GATA4: variants seen among roughly 807,000 people sequenced by gnomAD.
The protein encoded by GATA4 is transcription factor GATA-4.
GATA4 carries 7 observed loss-of-function variants against 37.9 expected under a neutral mutation model. The observed-to-expected ratio is 0.18, with a 90% CI of 0.11 to 0.35. The LOEUF is 0.35. GATA4 is among the 10% of genes least tolerant of loss of function. The probability of loss-of-function intolerance (pLI) is 1.00; values close to 1 mark genes in which losing one functional copy is unlikely to be tolerated. For synonymous variants in GATA4, 372 were observed against 292.6 expected, an observed-to-expected ratio of 1.27 and a Z score of -2.77; for missense variants, 647 against 653.0, an observed-to-expected ratio of 0.99 and a Z score of 0.10.
upstream of GATA4, among the ~76,000 whole-genome samples, chr8:11,700,047 A>G (rs1799623461): frequency 6.6e-6 from 1 of 152,210 alleles, no homozygotes; most frequent in Admixed American, 6.5e-5. Context: ...CAAGTACCTT[A>G]ACCTCTCTGA....
At chr8:11,678,187 G>A (rs1187161583) in intron 1 of GATA4, among the ~76,000 whole-genome samples, 1 of 152,094 alleles carries the variant, frequency 6.6e-6, no homozygotes, top group Non-Finnish European at 1.5e-5. Flanking sequence ...CAGGTTGAAA[G>A]CAGACAACAC....
At chr8:11,745,199 C>T (rs1317952942) in intron 2 of GATA4, among the ~76,000 whole-genome samples, 2 of 152,182 alleles carry the variant, frequency 1.3e-5, no homozygotes, top group African/African-American at 2.4e-5. Context: ...GTGTGTTGGG[C>T]TCTCAAGGCA....
At chr8:11,697,537 G>T (rs1213710241) in intron 1 of GATA4, 23 of 985,198 alleles carry the variant, frequency 2.3e-5, no homozygotes, top group Non-Finnish European at 1.6e-5. Flanking sequence ...GGTGGTCGTG[G>T]AGGCCACTTT....
chr8:11,699,973 A>G (rs77752155), upstream of GATA4, among the ~76,000 whole-genome samples: 2 of 152,248 alleles, frequency 1.3e-5, no homozygotes, highest in East Asian at 1.9e-4. Flanking sequence ...TGGAAAAAAA[A>G]GAACTAAGAT....
chr8:11,679,303 T>C (rs1193048248), intron 1 of GATA4, among the ~76,000 whole-genome samples: 2 of 151,222 alleles, frequency 1.3e-5, no homozygotes, highest in Non-Finnish European at 2.9e-5. Flanking sequence ...TTCTGAAGGT[T>C]CTCAGACTCG....
chr8:11,749,062 C>G lies in GATA4; in HGVS notation c.763C>G (p.Leu255Val). ...YHKMNGINRP[L>V]IKPQRRLSAS... ...CAAGATGAACGGCATCAACCGGCCG[C>G]TCATCAAGCCTCAGCGCCGGCTGGT... is the stretch of plus-strand genomic sequence containing the variant. Residue 255 changes from leucine (L) to valine (V), a missense_variant, in exon 3 of 7, where the codon CTC becomes GTC. Physicochemically the swap from Leu to Val is conservative, Grantham distance 32. Around this residue, in one of 5 missense-constraint regions of GATA4, gnomAD observed 56 missense variants for 64.5 expected, o/e 0.87. Transcript: ENST00000532059. The surrounding 1 kb of genome is among the most constrained non-coding windows in gnomAD (Gnocchi z 4.6). 6.2e-7 allele frequency: 1 copy of G among 1,614,220 alleles called. No individual in the cohort carries two copies. Among genetic ancestry groups the G allele is most frequent in the Non-Finnish European group, 8.5e-7 (1 of 1,180,036 alleles).
chr8:11,679,670 C>G (rs1585538644), intron 1 of GATA4, among the ~76,000 whole-genome samples: 1 of 152,348 alleles, frequency 6.6e-6, no homozygotes, highest in South Asian at 2.1e-4. Flanking sequence ...AGTATCCCGG[C>G]GAGCCCTGAG....
rs1203317204 is a variant in GATA4 at position 11,759,570 on chromosome 8, A to G, written c.*1095A>G. 1 of 152,312 alleles carries G rather than the reference A, an allele frequency of 6.6e-6. No homozygotes were observed. The highest frequency in any genetic ancestry group is 6.5e-5 in the Admixed American group (1 of 15,292). The allele number at this position is 152,312 out of a possible 1,614,324, so 9.4% of individuals were successfully genotyped here. The stretch of plus-strand genomic sequence containing the variant: ...AAAAGCCAGAGATTCTGCAACACGA[A>G]TTCGAAGCAAACAAACACAACACAA... On this transcript the variant is annotated 3_prime_UTR_variant, in exon 7 of 7. Coordinates refer to ENST00000532059, the MANE Select transcript of GATA4 (RefSeq NM_001308093.3).
chr8:11,711,044 G>A lies in GATA4; in HGVS notation c.616+2116G>A, dbSNP rs542315112. Among the ~76,000 whole-genome samples, 29 of 152,344 alleles carry A rather than the reference G, an allele frequency of 1.9e-4. 1 individual carries two copies. The South Asian group carries it at 5.8e-3, about 30-fold the overall frequency. ...GAGAATCGGTTGAACCCGGGAGGCG[G>A]AGGTTGAGTGAGATTGCTCCACTGC... On this transcript the variant is annotated intron_variant, in intron 2 of 6. Transcript: ENST00000532059.
chr8:11,681,228 C>A (rs1209380375), intron 1 of GATA4: 5 of 985,234 alleles, frequency 5.1e-6, no homozygotes, highest in Non-Finnish European at 4.8e-6. Flanking sequence ...GATTTCTCGA[C>A]GTTTGGGGAC....
chr8:11,740,512 G>A (rs1801678287), intron 2 of GATA4, among the ~76,000 whole-genome samples: 1 of 152,216 alleles, frequency 6.6e-6, no homozygotes, highest in African/African-American at 2.4e-5. Flanking sequence ...CACAGCAGCT[G>A]GGAGGCCCAG....
upstream of GATA4, among the ~76,000 whole-genome samples, chr8:11,690,285 G>A (rs1208568942): frequency 6.6e-6 from 1 of 152,190 alleles, no homozygotes; most frequent in East Asian, 1.9e-4. Flanking sequence ...ATCAAGGATG[G>A]GGATTTACAC....
chr8:11,692,576 C>G (rs1034146248), upstream of GATA4: 17 of 985,232 alleles, frequency 1.7e-5, no homozygotes, highest in Non-Finnish European at 1.8e-5. Flanking sequence ...GCGGCTCCGC[C>G]TGGGAGGGCG....
upstream of GATA4, among the ~76,000 whole-genome samples, chr8:11,703,356 C>G (rs1799751025): frequency 6.6e-6 from 1 of 152,120 alleles, no homozygotes; most frequent in South Asian, 2.1e-4. Flanking sequence ...GCGCTGGGGC[C>G]TCCAGGCTCT....
At position 11,708,570 on chromosome 8, in the gene GATA4, C is replaced by G; in HGVS notation, c.258C>G (p.Ser86Arg). Reference protein sequence around the residue: ...SGAGPGTQQGSPGWSQAGADG... With the variant: ...SGAGPGTQQGRPGWSQAGADG... ...CGGGGCCCGGGACCCAGCAGGGCAG[C>G]CCGGGATGGAGCCAGGCGGGAGCCG... The change falls in exon 2 of 7, where the codon AGC becomes AGG. Residue 86 changes from serine (S) to arginine (R), a missense_variant. By Grantham distance (110) the Ser-to-Arg change is moderately radical. Coordinates refer to ENST00000532059, the MANE Select transcript of GATA4 (RefSeq NM_001308093.3). The surrounding 1 kb of genome is among the most constrained non-coding windows in gnomAD (Gnocchi z 6.7). 7.3e-7 allele frequency: 1 copy of G among 1,372,756 alleles called. No homozygotes were observed. Among genetic ancestry groups the G allele is most frequent in the South Asian group, 1.8e-5 (1 of 57,022 alleles). 85.0% of individuals were successfully genotyped at this position (1,372,756 alleles called of 1,614,324 possible). A position where few individuals can be genotyped will look rare whatever the true frequency, so the allele number is the denominator to read the frequency against.
chr8:11,688,220 T>G (rs1799201206), upstream of GATA4, among the ~76,000 whole-genome samples: 1 of 152,216 alleles, frequency 6.6e-6, no homozygotes, highest in South Asian at 2.1e-4. Context: ...CAAATTGATT[T>G]TCAAAGCTAT....
chr8:11,687,705 C>G (rs1319207363), upstream of GATA4, among the ~76,000 whole-genome samples: 1 of 152,182 alleles, frequency 6.6e-6, no homozygotes, highest in Non-Finnish European at 1.5e-5. Flanking sequence ...CTACCAAGTG[C>G]TGCCTCCCTC....
At chr8:11,756,634 T>C (rs1166741383) in intron 5 of GATA4, 1 of 471,990 alleles carries the variant, frequency 2.1e-6, no homozygotes, top group Non-Finnish European at 3.9e-6. Flanking sequence ...AGGTATTCTG[T>C]AATAATACAC....
chr8:11,685,217 G>C (rs1212741428), intron 1 of GATA4, among the ~76,000 whole-genome samples: 1 of 152,120 alleles, frequency 6.6e-6, no homozygotes, highest in Non-Finnish European at 1.5e-5. Flanking sequence ...CAATGACATG[G>C]GAAGTCTCGA....
Sources: allele counts gnomAD v4.1 joint callset (sites outside exome capture counted in the v4.1 genomes callset), GRCh38; gene constraint gnomAD v4.1.1; regional missense constraint gnomAD v4.1.1; non-coding constraint Gnocchi (gnomAD v3.1); transcripts MANE v1.5; gene names NCBI Gene and HGNC (gene_info 2026-07-23, HGNC 2026-07-21).